SLC28A3: variants seen among roughly 807,000 people sequenced by gnomAD.
SLC28A3 encodes solute carrier family 28 member 3, also known as concentrative Na(+)-nucleoside cotransporter 3.
In SLC28A3, 68 loss-of-function variants were observed where a neutral mutation model predicts 84.2. The ratio of observed to expected loss-of-function variants is 0.81; its 90% CI spans 0.66 to 0.99. The LOEUF (loss-of-function observed/expected upper bound fraction) is 0.99, where lower values mean the gene tolerates loss of function less well. SLC28A3 is among the 50% of genes least tolerant of loss of function. SLC28A3 has a pLI of 0.00. For missense variants in SLC28A3, 712 were observed against 841.5 expected (o/e 0.85, Z 1.90); for synonymous variants, 267 against 303.6 (o/e 0.88, Z 1.25).
the SLC28A3 span, among the ~76,000 whole-genome samples, chr9:84,352,892 C>CAAA: frequency 0.04 from 2,940 of 72,798 alleles, 153 homozygotes; most frequent in East Asian, 0.15. Context: ...GATTCTGTCT[C>CAAA]AAAAAAAAAA....
At chr9:84,294,635 G>A (rs885004) in intron 8 of SLC28A3, among the ~76,000 whole-genome samples, 18,142 of 152,208 alleles carry the variant, frequency 0.12, 1,138 homozygotes, top group Admixed American at 0.15. Flanking sequence ...CCTAAGTTGA[G>A]ATAAATTGTG....
chr9:84,323,633 C>T (rs767830071), intron 1 of SLC28A3, among the ~76,000 whole-genome samples: 4 of 151,942 alleles, frequency 2.6e-5, no homozygotes, highest in African/African-American at 4.8e-5. Context: ...TCATGTTGGC[C>T]AGGCTGGTCT....
chr9:84,292,476 TC>T, intron 10 of SLC28A3, 191 bp downstream of exon 10: 1 of 177,064 alleles, frequency 5.6e-6, no homozygotes, highest in South Asian at 8.5e-5. Context: ...TCTCTCTCTG[TC>T]TCTCTCTCTC....
the SLC28A3 span, among the ~76,000 whole-genome samples, chr9:84,356,838 T>A: frequency 6.7e-6 from 1 of 148,538 alleles, no homozygotes; most frequent in Non-Finnish European, 1.5e-5. Context: ...CTCAAAAAAA[T>A]AAATAAATAA....
At chr9:84,325,039 G>C (rs555090909) in intron 1 of SLC28A3, among the ~76,000 whole-genome samples, 32 of 152,312 alleles carry the variant, frequency 2.1e-4, no homozygotes, top group Admixed American at 3.3e-4. Flanking sequence ...ATTTACAAAT[G>C]TAGTTTTAAG....
chr9:84,366,303 G>A, the SLC28A3 span, among the ~76,000 whole-genome samples: 1 of 152,002 alleles, frequency 6.6e-6, no homozygotes, highest in Non-Finnish European at 1.5e-5. Context: ...GTGTTATCTT[G>A]AATCTCTTTT....
the SLC28A3 span, among the ~76,000 whole-genome samples, chr9:84,362,225 A>G: frequency 6.6e-6 from 1 of 152,206 alleles, no homozygotes; most frequent in Non-Finnish European, 1.5e-5. Context: ...GGAAAGGGGC[A>G]AGTCTGGGGG....
the SLC28A3 span, among the ~76,000 whole-genome samples, chr9:84,357,497 C>T: frequency 1.3e-5 from 2 of 152,006 alleles, no homozygotes; most frequent in East Asian, 3.9e-4. Context: ...GATTCCCTGG[C>T]CTGCCGCTCC....
chr9:84,279,274 A>T lies in SLC28A3; in HGVS notation c.1940T>A (p.Leu647Gln), dbSNP rs932726945. 2 of 1,610,598 alleles carry T rather than the reference A, an allele frequency of 1.2e-6. No individual in the cohort carries two copies. Among genetic ancestry groups the T allele is most frequent in the Non-Finnish European group, 1.7e-6 (2 of 1,178,722 alleles). ...ATCAAGAATACAATACCTGCTCAACAGACTTTGGCAACAAGCTATCACCTT... is the reference window on the plus strand; with the variant it reads ...ATCAAGAATACAATACCTGCTCAACTGACTTTGGCAACAAGCTATCACCTT... ...TTKVIACCQSLLSSTVAKGPG... is the reference protein window; with the variant it reads ...TTKVIACCQSQLSSTVAKGPG... The change falls in exon 17 of 18, where the codon CTG becomes CAG. Residue 647 changes from leucine to glutamine, a missense_variant. Leu to Gln is a moderately radical substitution (Grantham distance 113). Transcript: ENST00000376238.
intron 1 of SLC28A3, among the ~76,000 whole-genome samples, chr9:84,332,729 C>A (rs7872261): frequency 6.6e-6 from 1 of 150,724 alleles, no homozygotes; most frequent in African/African-American, 2.4e-5. Flanking sequence ...TACACTTGTT[C>A]GAAAAAAAAA....
chr9:84,344,741 C>T (rs1222302875), upstream of SLC28A3, among the ~76,000 whole-genome samples: 2 of 152,136 alleles, frequency 1.3e-5, no homozygotes, highest in African/African-American at 4.8e-5. Context: ...TTGAGACAAA[C>T]TCAACCAATT....
chr9:84,351,965 TAATG>T, the SLC28A3 span, among the ~76,000 whole-genome samples: 1 of 151,822 alleles, frequency 6.6e-6, no homozygotes, highest in Non-Finnish European at 1.5e-5. Context: ...GGTGAAACTG[TAATG>T]AGAGTTTTTT....
intron 3 of SLC28A3, 54 bp from the exon 4 acceptor site, chr9:84,305,399 A>G (rs1825760005): frequency 7.0e-7 from 1 of 1,422,314 alleles, no homozygotes; most frequent in East Asian, 2.3e-5. Context: ...AACATGAAAT[A>G]AACTGCATGG....
chr9:84,297,412 T>C, intron 7 of SLC28A3, 114 bp from the exon 8 acceptor site: 1 of 769,790 alleles, frequency 1.3e-6, no homozygotes, highest in Non-Finnish European at 2.1e-6. Context: ...TTGGATAGAC[T>C]TGGAAAGTTA....
intron 1 of SLC28A3, among the ~76,000 whole-genome samples, chr9:84,324,596 A>G (rs1423027114): frequency 2.0e-5 from 3 of 151,778 alleles, no homozygotes; most frequent in African/African-American, 7.3e-5. Flanking sequence ...GTGAGCTGAG[A>G]TCACACCACT....
chr9:84,330,881 T>C (rs1165937028), intron 1 of SLC28A3, among the ~76,000 whole-genome samples: 2 of 152,198 alleles, frequency 1.3e-5, no homozygotes, highest in Non-Finnish European at 2.9e-5. Context: ...AAGTTTTAAA[T>C]TACATATCTG....
At chr9:84,335,262 C>T (rs1826931194) in intron 1 of SLC28A3, among the ~76,000 whole-genome samples, 2 of 152,186 alleles carry the variant, frequency 1.3e-5, no homozygotes, top group African/African-American at 4.8e-5. Flanking sequence ...TAAAGCCTTG[C>T]CCGAGGCTGG....
chr9:84,314,029 G>A (rs1826083982), intron 1 of SLC28A3, among the ~76,000 whole-genome samples: 1 of 152,058 alleles, frequency 6.6e-6, no homozygotes, highest in African/African-American at 2.4e-5. Flanking sequence ...TGGGACCAGG[G>A]GCAGGTTTCC....
At chr9:84,329,448 A>G (rs972460069) in intron 1 of SLC28A3, among the ~76,000 whole-genome samples, 1 of 152,230 alleles carries the variant, frequency 6.6e-6, no homozygotes, top group Non-Finnish European at 1.5e-5. Flanking sequence ...AACATTCTCC[A>G]GGCTAGATCA....
Sources: allele counts gnomAD v4.1 joint callset (sites outside exome capture counted in the v4.1 genomes callset), GRCh38; gene constraint gnomAD v4.1.1; transcripts MANE v1.5; gene names NCBI Gene and HGNC (gene_info 2026-07-23, HGNC 2026-07-21).